ACOXL: variants seen among roughly 807,000 people sequenced by gnomAD.
The protein encoded by ACOXL is acyl-CoA oxidase like.
In ACOXL, 70 loss-of-function variants were observed where a neutral mutation model predicts 71.9. That is an observed-to-expected ratio of 0.97 (90% CI 0.80 to 1.19). The LOEUF is 1.19. ACOXL is among the 50% of genes most tolerant of loss of function. The pLI is 0.00. For missense variants in ACOXL, 703 were observed against 736.3 expected, an observed-to-expected ratio of 0.95 and a Z score of 0.52; for synonymous variants, 253 against 281.6, an observed-to-expected ratio of 0.90 and a Z score of 1.02.
chr2:111,020,359 G>A (rs933022395), intron 14 of ACOXL, among the ~76,000 whole-genome samples: 2 of 152,146 alleles, frequency 1.3e-5, no homozygotes, highest in African/African-American at 4.8e-5. Flanking sequence ...TGGACATGCC[G>A]GCTTGGTGGG....
At chr2:111,009,187 T>C (rs1015058988) in intron 14 of ACOXL, among the ~76,000 whole-genome samples, 3 of 152,138 alleles carry the variant, frequency 2.0e-5, no homozygotes, top group African/African-American at 7.2e-5. Flanking sequence ...ACTCATTTCA[T>C]GAAAGCCTCA....
chr2:111,078,332 T>C (rs1327860100), intron 16 of ACOXL, among the ~76,000 whole-genome samples: 2 of 152,202 alleles, frequency 1.3e-5, no homozygotes, highest in Non-Finnish European at 2.9e-5. Context: ...TGGCGCGATG[T>C]CAGCTCACTG....
At chr2:110,825,106 C>T (rs1689019687) in intron 9 of ACOXL, among the ~76,000 whole-genome samples, 1 of 152,200 alleles carries the variant, frequency 6.6e-6, no homozygotes, top group South Asian at 2.1e-4. Context: ...TAGTGGTCAG[C>T]CTGAGATTCA....
At chr2:110,826,886 C>A (rs1053312033) in intron 9 of ACOXL, among the ~76,000 whole-genome samples, 1 of 151,212 alleles carries the variant, frequency 6.6e-6, no homozygotes, top group Non-Finnish European at 1.5e-5. Context: ...AGATCCTAGT[C>A]TCTTCTCAGC....
chr2:110,743,770 C>A (rs1573295479), intron 1 of ACOXL, among the ~76,000 whole-genome samples: 1 of 152,312 alleles, frequency 6.6e-6, no homozygotes, highest in East Asian at 1.9e-4. Context: ...ACCTGCCTTC[C>A]CTTGTGGTGC....
intron 9 of ACOXL, among the ~76,000 whole-genome samples, chr2:110,820,133 C>A (rs890232171): frequency 1.3e-5 from 2 of 152,136 alleles, no homozygotes; most frequent in African/African-American, 2.4e-5. Context: ...GAGATCTGAA[C>A]CCAGGTCCAT....
At chr2:111,074,468 A>G (rs2067498512) in intron 16 of ACOXL, among the ~76,000 whole-genome samples, 1 of 152,140 alleles carries the variant, frequency 6.6e-6, no homozygotes, top group African/African-American at 2.4e-5. Context: ...TTCTATCCCT[A>G]GCTTCCTAAG....
intron 11 of ACOXL, among the ~76,000 whole-genome samples, chr2:110,915,421 TATATATA>T (rs370120879): frequency 7.6e-5 from 10 of 132,186 alleles, no homozygotes; most frequent in African/African-American, 2.7e-4. Flanking sequence ...TATATATATA[TATATATA>T]TTTTTTTTTT....
intron 16 of ACOXL, among the ~76,000 whole-genome samples, chr2:111,077,375 T>C (rs1429592564): frequency 6.6e-6 from 1 of 152,218 alleles, no homozygotes; most frequent in South Asian, 2.1e-4. Context: ...ATGCATCTTA[T>C]CAGTACACCT....
At chr2:110,847,192 T>C (rs2148908367) in intron 10 of ACOXL, among the ~76,000 whole-genome samples, 1 of 152,094 alleles carries the variant, frequency 6.6e-6, no homozygotes, top group African/African-American at 2.4e-5. Context: ...TGTTTTGTTT[T>C]TTTCTCTTTC....
At chr2:110,831,876 A>G (rs1386036479) in intron 9 of ACOXL, among the ~76,000 whole-genome samples, 2 of 152,354 alleles carry the variant, frequency 1.3e-5, no homozygotes, top group African/African-American at 4.8e-5. Flanking sequence ...ACATCCACAC[A>G]TGAAAAAACA....
chr2:110,775,998 A>G (rs1342016035), intron 2 of ACOXL, among the ~76,000 whole-genome samples: 1 of 152,264 alleles, frequency 6.6e-6, no homozygotes, highest in East Asian at 1.9e-4. Flanking sequence ...GCCAAAAGGT[A>G]GAAACAACCC....
chr2:110,736,204 A>AT (rs112278989), intron 1 of ACOXL, among the ~76,000 whole-genome samples: 18 of 151,434 alleles, frequency 1.2e-4, no homozygotes, highest in South Asian at 4.2e-4. Flanking sequence ...TCCTACAGCC[A>AT]TTTTTTTTTA....
intron 13 of ACOXL, among the ~76,000 whole-genome samples, chr2:110,995,182 T>C (rs1030216136): frequency 7.9e-5 from 12 of 152,112 alleles, no homozygotes; most frequent in Non-Finnish European, 1.5e-4. Flanking sequence ...GGTTGAGTTA[T>C]TATTATAAAC....
intron 14 of ACOXL, among the ~76,000 whole-genome samples, chr2:111,020,696 G>T (rs1422180628): frequency 6.6e-6 from 1 of 152,198 alleles, no homozygotes; most frequent in East Asian, 1.9e-4. Flanking sequence ...AAGACAGTCT[G>T]CTAGGAGCCC....
chr2:110,959,418 G>A (rs3827548), intron 12 of ACOXL, among the ~76,000 whole-genome samples: 35,997 of 152,066 alleles, frequency 0.24, 4,813 homozygotes, highest in Non-Finnish European at 0.3. Context: ...CTTGGGCACC[G>A]GCTCAAAGTC....
At chr2:110,743,546 G>T (rs1677801851) in intron 1 of ACOXL, among the ~76,000 whole-genome samples, 1 of 152,178 alleles carries the variant, frequency 6.6e-6, no homozygotes, top group Non-Finnish European at 1.5e-5. Flanking sequence ...ACAAACCCAA[G>T]TTCAGAGACT....
chr2:110,793,834 TAAAAC>T (rs1684963707), intron 4 of ACOXL, 98 bp downstream of exon 4: 2 of 1,106,750 alleles, frequency 1.8e-6, no homozygotes, highest in East Asian at 4.8e-5. Flanking sequence ...AAAAATAAAA[TAAAAC>T]AGAATTTGTA....
chr2:110,748,482 G>A (rs1678518416), intron 1 of ACOXL, among the ~76,000 whole-genome samples: 2 of 152,180 alleles, frequency 1.3e-5, no homozygotes, highest in African/African-American at 4.8e-5. Context: ...CCAATTAGCA[G>A]CTGTACATTT....
Sources: allele counts gnomAD v4.1 joint callset (sites outside exome capture counted in the v4.1 genomes callset), GRCh38; gene constraint gnomAD v4.1.1; transcripts MANE v1.5; gene names NCBI Gene and HGNC (gene_info 2026-07-23, HGNC 2026-07-21).